Variants in CPA6 observed in about 807,000 individuals in gnomAD.
CPA6 encodes the protein carboxypeptidase B.
In CPA6, 58 loss-of-function variants were observed where a neutral mutation model predicts 63.3. That is an observed-to-expected ratio of 0.92 (90% confidence interval 0.74 to 1.14). The LOEUF (loss-of-function observed/expected upper bound fraction) is 1.14, where lower values mean the gene tolerates loss of function less well. CPA6 is among the 50% of genes most tolerant of loss of function. The pLI is 0.00. For synonymous variants in CPA6, 185 were observed against 179.0 expected, an observed-to-expected ratio of 1.03 and a Z score of -0.27; for missense variants, 565 against 526.6, an observed-to-expected ratio of 1.07 and a Z score of -0.71.
chr8:67,684,055 ATTTT>A lies in CPA6; in HGVS notation c.117-59808_117-59805del, dbSNP rs933599992. On this transcript the variant is annotated intron_variant, in intron 1 of 10. Coordinates refer to ENST00000297770, the MANE Select transcript of CPA6 (RefSeq NM_020361.5). Reference sequence around the variant, plus strand: ...TAATTTTTATTTTATTTATTTATTTATTTTTTTTTTTTGTAGAGATGGGGTTTTG... The same window carrying A: ...TAATTTTTATTTTATTTATTTATTTATTTTTTTTGTAGAGATGGGGTTTTG... Among the ~76,000 whole-genome samples the A allele has an allele frequency of 6.6e-3, 848 of 127,586 alleles. 10 individuals are homozygous for A. Among genetic ancestry groups the A allele is most frequent in the African/African-American group, 0.022 (788 of 36,318 alleles). 83.7% of individuals were successfully genotyped at this position (127,586 alleles called of 152,430 possible). A position where few individuals can be genotyped will look rare whatever the true frequency, so the allele number is the denominator to read the frequency against.
intron 1 of CPA6, among the ~76,000 whole-genome samples, chr8:67,670,949 A>T (rs2128994330): frequency 6.6e-6 from 1 of 152,352 alleles, no homozygotes; most frequent in South Asian, 2.1e-4. Flanking sequence ...AGTGTTAATA[A>T]TTCATCTGTA....
intron 8 of CPA6, among the ~76,000 whole-genome samples, chr8:67,463,090 T>C (rs1215188209): frequency 6.6e-6 from 1 of 152,192 alleles, no homozygotes; most frequent in Non-Finnish European, 1.5e-5. Context: ...TAACCACTTG[T>C]AGGTTGTATG....
chr8:67,428,479 C>T (rs1809945257), intron 9 of CPA6, among the ~76,000 whole-genome samples: 1 of 152,010 alleles, frequency 6.6e-6, no homozygotes, highest in Admixed American at 6.6e-5. Context: ...TAGTTCAAGG[C>T]AACAATTTCT....
chr8:67,553,040 T>C (rs1259181360), intron 2 of CPA6, among the ~76,000 whole-genome samples: 2 of 152,132 alleles, frequency 1.3e-5, no homozygotes, highest in Admixed American at 1.3e-4. Context: ...TGAATCAATA[T>C]TATAATAAAC....
chr8:67,737,448 T>A (rs1346431349), intron 1 of CPA6, among the ~76,000 whole-genome samples: 1 of 152,216 alleles, frequency 6.6e-6, no homozygotes, highest in Non-Finnish European at 1.5e-5. Context: ...AAATGTGTTT[T>A]TTTTCCCCCC....
intron 1 of CPA6, among the ~76,000 whole-genome samples, chr8:67,682,929 G>A (rs564788109): frequency 6.6e-6 from 1 of 152,162 alleles, no homozygotes; most frequent in African/African-American, 2.4e-5. Context: ...ACATGTATTT[G>A]TTGATGGATA....
intron 3 of CPA6, 82 bp downstream of exon 3, chr8:67,517,841 T>A: frequency 7.2e-7 from 1 of 1,385,994 alleles, no homozygotes; most frequent in Non-Finnish European, 9.7e-7. Flanking sequence ...TTGTAAGTAC[T>A]TGATAAATAA....
chr8:67,704,147 CT>C (rs1817083315), intron 1 of CPA6, among the ~76,000 whole-genome samples: 1 of 152,208 alleles, frequency 6.6e-6, no homozygotes, highest in African/African-American at 2.4e-5. Context: ...GAGTATTCCT[CT>C]TGCTTCTTCC....
At chr8:67,675,076 G>A (rs374757431) in intron 1 of CPA6, among the ~76,000 whole-genome samples, 2 of 152,226 alleles carry the variant, frequency 1.3e-5, no homozygotes, top group South Asian at 4.1e-4. Context: ...TAGGTACCAT[G>A]CTCACTACCT....
At chr8:67,448,353 T>C (rs1409859781) in intron 8 of CPA6, among the ~76,000 whole-genome samples, 1 of 152,166 alleles carries the variant, frequency 6.6e-6, no homozygotes, top group African/African-American at 2.4e-5. Context: ...AAAATGGCTT[T>C]TGTTTTTTTG....
At chr8:67,638,480 T>C (rs1815519460) in intron 1 of CPA6, among the ~76,000 whole-genome samples, 1 of 151,570 alleles carries the variant, frequency 6.6e-6, no homozygotes, top group Admixed American at 6.6e-5. Flanking sequence ...GTCATCCGGT[T>C]AGAAGTTCCC....
intron 6 of CPA6, among the ~76,000 whole-genome samples, chr8:67,493,642 A>G (rs971223726): frequency 2.0e-5 from 3 of 151,964 alleles, no homozygotes; most frequent in Admixed American, 1.3e-4. Flanking sequence ...CTGAGTGTAG[A>G]TGGGTGGGAA....
At chr8:67,497,197 A>G (rs59607772) in intron 6 of CPA6, among the ~76,000 whole-genome samples, 15,279 of 152,146 alleles carry the variant, frequency 0.1, 1,990 homozygotes, top group African/African-American at 0.3. Context: ...AATCATCATC[A>G]TTATTGAATT....
intron 2 of CPA6, among the ~76,000 whole-genome samples, chr8:67,540,074 G>A (rs1812671818): frequency 6.6e-6 from 1 of 152,150 alleles, no homozygotes; most frequent in Non-Finnish European, 1.5e-5. Context: ...TGGAGGAGAA[G>A]AGGCATTCTG....
intron 9 of CPA6, among the ~76,000 whole-genome samples, chr8:67,431,949 A>T (rs1317432885): frequency 2.0e-5 from 3 of 152,212 alleles, no homozygotes; most frequent in African/African-American, 7.2e-5. Flanking sequence ...GTAGGGAGAA[A>T]GGGAATGATT....
At chr8:67,518,739 G>A (rs1457044836) in intron 2 of CPA6, among the ~76,000 whole-genome samples, 1 of 151,702 alleles carries the variant, frequency 6.6e-6, no homozygotes, top group Non-Finnish European at 1.5e-5. Context: ...TTGAACTCCT[G>A]ACCTCAAGTG....
intron 2 of CPA6, among the ~76,000 whole-genome samples, chr8:67,530,621 G>T (rs976330902): frequency 2.0e-5 from 3 of 152,142 alleles, no homozygotes; most frequent in Non-Finnish European, 4.4e-5. Flanking sequence ...TGAAGAAAAC[G>T]CCAACTAGAG....
At chr8:67,679,657 A>G in intron 1 of CPA6, among the ~76,000 whole-genome samples, 1 of 152,206 alleles carries the variant, frequency 6.6e-6, no homozygotes, top group Non-Finnish European at 1.5e-5. Flanking sequence ...CATAGCTGTC[A>G]TGCTTTAGGT....
At chr8:67,595,653 C>T (rs893177733) in intron 2 of CPA6, among the ~76,000 whole-genome samples, 3 of 152,234 alleles carry the variant, frequency 2.0e-5, no homozygotes, top group Admixed American at 6.5e-5. Flanking sequence ...TGCTAGCAAT[C>T]AGCGAGACTC....
Sources: allele counts gnomAD v4.1 joint callset (sites outside exome capture counted in the v4.1 genomes callset), GRCh38; gene constraint gnomAD v4.1.1; transcripts MANE v1.5; gene names NCBI Gene and HGNC (gene_info 2026-07-23, HGNC 2026-07-21).